Variants in FBN1 observed in about 807,000 individuals in gnomAD.
FBN1 encodes fibrillin 1.
Under a neutral mutation model 365.1 loss-of-function variants are expected in FBN1, and 29 were observed. That is an observed-to-expected ratio of 0.08 (90% CI 0.06 to 0.11). The LOEUF is 0.11. Among genes scored for constraint, FBN1 ranks in the 10% least tolerant of loss-of-function variants. FBN1 has a pLI of 1.00. For synonymous variants in FBN1, 1,210 were observed against 1,270.5 expected (o/e 0.95, Z 1.01); for missense variants, 2,476 against 3,703.2 (o/e 0.67, Z 8.60).
chr15:48,465,645 C>T lies in FBN1; in HGVS notation c.4865G>A (p.Cys1622Tyr), dbSNP rs1445988459. 4 of 1,614,104 alleles carry T rather than the reference C, an allele frequency of 2.5e-6. No homozygotes were observed. The highest frequency in any genetic ancestry group is 2.5e-6 in the Non-Finnish European group (3 of 1,179,966). Reference protein sequence around the residue: ...ELPGLCQGGKCINTFGSFQCR... With the variant: ...ELPGLCQGGKYINTFGSFQCR... Reference sequence around the variant, plus strand: ...CTGGAAACTCCCAAAGGTGTTGATACATTTTCCTCCTTGGCACAGCCCTGG... The same window carrying T: ...CTGGAAACTCCCAAAGGTGTTGATATATTTTCCTCCTTGGCACAGCCCTGG... Residue 1622 changes from cysteine to tyrosine, a missense_variant, in exon 40 of 66, where the codon TGT (cysteine) becomes TAT (tyrosine). Transcript: ENST00000316623.
chr15:48,634,916 G>C (rs74715047), intron 2 of FBN1, among the ~76,000 whole-genome samples: 10,421 of 124,330 alleles, frequency 0.084, 454 homozygotes, highest in East Asian at 0.19. Context: ...ATGAAACCCT[G>C]CCTCTGGAAT....
At chr15:48,467,877 G>C in intron 38 of FBN1, 61 bp downstream of exon 38, 3 of 1,466,782 alleles carry the variant, frequency 2.0e-6, no homozygotes, top group Non-Finnish European at 2.9e-6. Flanking sequence ...TTTGTCTTCT[G>C]ATCTAGAAAG....
chr15:48,439,543 T>TC (rs2050553273), intron 50 of FBN1, among the ~76,000 whole-genome samples: 1 of 152,206 alleles, frequency 6.6e-6, no homozygotes, highest in Admixed American at 6.5e-5. Flanking sequence ...TATTTATGCC[T>TC]CCAACTACCT....
intron 15 of FBN1, among the ~76,000 whole-genome samples, chr15:48,505,976 A>T (rs2043704649): frequency 6.6e-6 from 1 of 152,218 alleles, no homozygotes; most frequent in Non-Finnish European, 1.5e-5. Context: ...TGATCCCAGC[A>T]CTTTGGGAGG....
At chr15:48,626,752 A>C (rs1889890559) in intron 2 of FBN1, among the ~76,000 whole-genome samples, 1 of 152,120 alleles carries the variant, frequency 6.6e-6, no homozygotes. Flanking sequence ...GTAAGCATTT[A>C]TTTTTTAAAC....
rs768274035 is a variant in FBN1 at position 48,516,366 on chromosome 15, G to A, written c.1148-4C>T. ...GAGCACAGCTTGTTGAAATCCTCTA[G>A]AAAAACACAACAAAACAAAACACAA... On this transcript the variant is annotated splice_region_variant and splice_polypyrimidine_tract_variant and intron_variant, in intron 10 of 65. Coordinates refer to ENST00000316623, the MANE Select transcript of FBN1 (RefSeq NM_000138.5). 6.2e-7 allele frequency: 1 copy of A among 1,613,226 alleles called. No individual in the cohort carries two copies. Among genetic ancestry groups the A allele is most frequent in the African/African-American group, 1.3e-5 (1 of 74,838 alleles).
At chr15:48,434,735 T>A in intron 53 of FBN1, 22 bp from the exon 54 acceptor site, 1 of 1,612,480 alleles carries the variant, frequency 6.2e-7, no homozygotes, top group Non-Finnish European at 8.5e-7. Context: ...CAGGAATGTG[T>A]CCAAAACATG....
intron 30 of FBN1, among the ~76,000 whole-genome samples, 162 bp downstream of exon 30, chr15:48,485,212 A>G (rs1029555617): frequency 6.6e-6 from 1 of 152,244 alleles, no homozygotes; most frequent in Non-Finnish European, 1.5e-5. Context: ...TTCATTTTAT[A>G]GATGAGGATT....
At chr15:48,587,311 G>A (rs1483357716) in intron 6 of FBN1, among the ~76,000 whole-genome samples, 1 of 152,202 alleles carries the variant, frequency 6.6e-6, no homozygotes, top group East Asian at 1.9e-4. Context: ...ATAAGAAAGT[G>A]AAAACAGTTT....
intron 65 of FBN1, among the ~76,000 whole-genome samples, chr15:48,411,939 G>T (rs943901141): frequency 6.6e-6 from 1 of 152,214 alleles, no homozygotes; most frequent in African/African-American, 2.4e-5. Flanking sequence ...ACACACCTAT[G>T]AGCCTACTTC....
chr15:48,489,814 A>C (rs1337804976), intron 25 of FBN1, 37 bp downstream of exon 25: 1 of 1,524,240 alleles, frequency 6.6e-7, no homozygotes. Flanking sequence ...TTGTCTAAAA[A>C]GGGAGGCAAT....
intron 10 of FBN1, among the ~76,000 whole-genome samples, chr15:48,517,811 T>C (rs1361863353): frequency 6.6e-6 from 1 of 152,232 alleles, no homozygotes; most frequent in Non-Finnish European, 1.5e-5. Flanking sequence ...GGATACCTTC[T>C]ATGCTAGTTT....
intron 64 of FBN1, 151 bp downstream of exon 64, chr15:48,415,385 C>A (rs762712162): frequency 1.0e-4 from 71 of 689,568 alleles, no homozygotes; most frequent in Non-Finnish European, 1.7e-4. Flanking sequence ...ATAAAATAAC[C>A]TAAAACTTTT....
chr15:48,440,326 C>G (rs868736511), intron 50 of FBN1, among the ~76,000 whole-genome samples: 1 of 152,162 alleles, frequency 6.6e-6, no homozygotes. Flanking sequence ...CTTCCTGCAG[C>G]GTTAGCTTGC....
intron 63 of FBN1, 60 bp from the exon 64 acceptor site, chr15:48,415,827 T>C (rs1051534497): frequency 6.5e-5 from 94 of 1,436,082 alleles, no homozygotes; most frequent in South Asian, 8.0e-5. Context: ...ATTGAGGACA[T>C]TGGATCTGGC....
intron 6 of FBN1, among the ~76,000 whole-genome samples, chr15:48,539,998 T>C (rs1437430694): frequency 3.3e-5 from 5 of 152,196 alleles, no homozygotes; most frequent in African/African-American, 9.6e-5. Context: ...TCAGCCCTCA[T>C]TTCGTTCTTT....
At chr15:48,479,770 C>T (rs549217863) in intron 32 of FBN1, among the ~76,000 whole-genome samples, 7 of 152,254 alleles carry the variant, frequency 4.6e-5, no homozygotes, top group African/African-American at 7.2e-5. Context: ...AATTCAACTA[C>T]GAAAAACAAG....
chr15:48,467,073 G>T (rs1361440661), intron 38 of FBN1, among the ~76,000 whole-genome samples: 1 of 152,196 alleles, frequency 6.6e-6, no homozygotes, highest in Non-Finnish European at 1.5e-5. Context: ...TTACATGGGT[G>T]ACAACTAGTG....
At chr15:48,477,435 T>G (rs1001540904) in intron 32 of FBN1, among the ~76,000 whole-genome samples, 2 of 152,210 alleles carry the variant, frequency 1.3e-5, no homozygotes, top group African/African-American at 4.8e-5. Context: ...TCTCAATGTT[T>G]TACACTCTCA....
Sources: gnomAD v4.1 joint callset for allele counts (sites outside exome capture counted in the v4.1 genomes callset) on GRCh38, gnomAD v4.1.1 for gene constraint, MANE v1.5 for transcripts, NCBI Gene and HGNC (gene_info 2026-07-23, HGNC 2026-07-21) for gene names.